GREM1: variants seen among roughly 807,000 people sequenced by gnomAD.
The protein encoded by GREM1 is gremlin-1.
In GREM1, 6 loss-of-function variants were observed where a neutral mutation model predicts 13.1. The observed-to-expected ratio is 0.46, with a 90% CI of 0.25 to 0.91. The LOEUF (loss-of-function observed/expected upper bound fraction) is 0.91, where lower values mean the gene tolerates loss of function less well. GREM1 is among the 40% of genes least tolerant of loss of function. The pLI, the probability that GREM1 is intolerant of heterozygous loss-of-function variation, is 0.18. For missense variants in GREM1, 185 were observed against 233.9 expected (o/e 0.79, Z 1.36); for synonymous variants, 98 against 93.7 (o/e 1.05, Z -0.27).
Position 32,730,827 on chromosome 15 carries a change from A to C in GREM1, c.137A>C (p.Gln46Pro), listed in dbSNP as rs762082199. ...AAGGCCCAGCACAATGACTCAGAGC[A>C]GACTCAGTCGCCCCAGCAGCCTGGC... ...PDKAQHNDSE[Q>P]TQSPQQPGSR... Residue 46 changes from glutamine (Q) to proline (P), a missense_variant, in exon 2 of 2, where the codon CAG (glutamine) becomes CCG (proline). Transcript: ENST00000651154. 1 of 1,613,902 alleles carries C rather than the reference A, an allele frequency of 6.2e-7. No individual in the cohort carries two copies. Among genetic ancestry groups the C allele is most frequent in the Non-Finnish European group, 8.5e-7 (1 of 1,179,910 alleles).
rs1230765714 is a variant in GREM1 at position 32,733,598 on chromosome 15, T to C, written c.*2353T>C. ...ATATCACTAGCCAAAGAGGGAAATA[T>C]CTGTTCTTCTTACTGTGCCTATATT... On this transcript the variant is annotated 3_prime_UTR_variant, in exon 2 of 2. Coordinates refer to ENST00000651154, the MANE Select transcript of GREM1 (RefSeq NM_013372.7). The C allele has an allele frequency of 1.7e-5, 4 of 230,846 alleles. No individual in the cohort carries two copies. The highest frequency in any genetic ancestry group is 6.9e-5 in the East Asian group (1 of 14,502). The allele number at this position is 230,846 out of a possible 1,614,324, so 14.3% of individuals were successfully genotyped here. A position where few individuals can be genotyped will look rare whatever the true frequency, so the allele number is the denominator to read the frequency against.
At chr15:32,726,063 G>C (rs1567110352) in intron 1 of GREM1, among the ~76,000 whole-genome samples, 2 of 152,114 alleles carry the variant, frequency 1.3e-5, no homozygotes, top group Non-Finnish European at 2.9e-5. Context: ...TTTGAAGTCA[G>C]GTAGCGTGAT....
chr15:32,726,710 G>GT (rs3054576), intron 1 of GREM1, among the ~76,000 whole-genome samples: 29 of 142,532 alleles, frequency 2.0e-4, no homozygotes, highest in African/African-American at 4.1e-4. Flanking sequence ...CCCAGGAGCT[G>GT]TTTTTTTTTT....
intron 1 of GREM1, among the ~76,000 whole-genome samples, chr15:32,727,454 G>T (rs1214264869): frequency 1.3e-5 from 2 of 152,130 alleles, no homozygotes; most frequent in Admixed American, 1.3e-4. Context: ...CCCCTTCAAT[G>T]CTAAGAACTC....
At chr15:32,729,437 T>A (rs2055574011) in intron 1 of GREM1, among the ~76,000 whole-genome samples, 1 of 152,206 alleles carries the variant, frequency 6.6e-6, no homozygotes, top group African/African-American at 2.4e-5. Context: ...CTGCTCCTTC[T>A]CCACCTTTCC....
chr15:32,730,833 A>T lies in GREM1; in HGVS notation c.143A>T (p.Gln48Leu), dbSNP rs770819924. ...KAQHNDSEQT[Q>L]SPQQPGSRNR... ...CAGCACAATGACTCAGAGCAGACTC[A>T]GTCGCCCCAGCAGCCTGGCTCCAGG... The change falls in exon 2 of 2, where the codon CAG becomes CTG. Residue 48 changes from glutamine (Q) to leucine (L), a missense_variant. Physicochemically the swap from Gln to Leu is moderately radical, Grantham distance 113 (BLOSUM62 -2). Transcript: ENST00000651154. 1.2e-6 allele frequency: 2 copies of T among 1,613,856 alleles called. No homozygotes were observed. The highest frequency in any genetic ancestry group is 1.7e-6 in the Non-Finnish European group (2 of 1,179,882).
At position 32,738,104 on chromosome 15, in the gene GREM1, A is replaced by ACC. The variant is rs2055723109; in HGVS notation, c.*6859_*6860insCC. 1 of 103,530 alleles carries ACC rather than the reference A, an allele frequency of 9.7e-6. No homozygotes were observed. The highest frequency in any genetic ancestry group is 4.1e-5 in the African/African-American group (1 of 24,228). The allele number at this position is 103,530 out of a possible 1,614,324, so 6.4% of individuals were successfully genotyped here. Reference sequence around the variant, plus strand: ...TAGGCAAAAAAAAAAAAAAAAAAAAAAAAAAAAAAAAAAAAAAAAAAAAAA... The same window carrying ACC: ...TAGGCAAAAAAAAAAAAAAAAAAAAACCAAAAAAAAAAAAAAAAAAAAAAAAA... On this transcript the variant is annotated 3_prime_UTR_variant, in exon 2 of 2. Coordinates refer to ENST00000651154, the MANE Select transcript of GREM1 (RefSeq NM_013372.7).
intron 1 of GREM1, among the ~76,000 whole-genome samples, chr15:32,721,599 C>T (rs889696803): frequency 6.6e-6 from 1 of 151,962 alleles, no homozygotes; most frequent in African/African-American, 2.4e-5. Flanking sequence ...ACTAAAAATA[C>T]AAAAATTAGC....
At position 32,718,093 on chromosome 15, in the gene GREM1, C is replaced by T; in HGVS notation, c.-70C>T. 3 of 1,232,104 alleles carry T rather than the reference C, an allele frequency of 2.4e-6. No individual in the cohort carries two copies. The highest frequency in any genetic ancestry group is 2.1e-6 in the Non-Finnish European group (2 of 973,064). 76.3% of individuals were successfully genotyped at this position (1,232,104 alleles called of 1,614,324 possible). ...CTGACCCCGCGCCGAGCCCCGGCGG[C>T]TCTGGCCGCGGCCGCACTCAGCGCC... On this transcript the variant is annotated 5_prime_UTR_variant, in exon 1 of 2. Coordinates refer to ENST00000651154, the MANE Select transcript of GREM1 (RefSeq NM_013372.7).
At position 32,730,708 on chromosome 15, in the gene GREM1, C is replaced by T; in HGVS notation, c.18C>T (p.Tyr6=). The change falls in exon 2 of 2, where the codon TAC becomes TAT. Residue 6 remains tyrosine, a synonymous_variant. Coordinates refer to ENST00000651154, the MANE Select transcript of GREM1 (RefSeq NM_013372.7). Reference sequence around the variant, plus strand: ...TCTTTAGTATGAGCCGCACAGCCTACACGGTGGGAGCCCTGCTTCTCCTCT... The same window carrying T: ...TCTTTAGTATGAGCCGCACAGCCTATACGGTGGGAGCCCTGCTTCTCCTCT... The part of the protein sequence containing the change: MSRTA[Y]TVGALLLLLG... 3 of 1,567,656 alleles carry T rather than the reference C, an allele frequency of 1.9e-6. No homozygotes were observed. Among genetic ancestry groups the T allele is most frequent in the Non-Finnish European group, 2.6e-6 (3 of 1,161,080 alleles).
chr15:32,723,011 T>A (rs892536703), intron 1 of GREM1, among the ~76,000 whole-genome samples: 1 of 152,168 alleles, frequency 6.6e-6, no homozygotes, highest in African/African-American at 2.4e-5. Context: ...TTTAGTGATA[T>A]GAGTAGGCCA....
In GREM1 at chr15:32,738,452, T is replaced by G. The variant is rs746111364; in HGVS notation, c.*7207T>G. On this transcript the variant is annotated 3_prime_UTR_variant, in exon 2 of 2. Transcript: ENST00000651154. Reference sequence around the variant, plus strand: ...AAACAATAAAACATTGTTAAAAAATTTAAAATCATCAAAATAGATGGAAAT... The same window carrying G: ...AAACAATAAAACATTGTTAAAAAATGTAAAATCATCAAAATAGATGGAAAT... 1.5e-4 allele frequency: 23 copies of G among 152,018 alleles called. No homozygotes were observed. The highest frequency in any genetic ancestry group is 3.1e-4 in the Non-Finnish European group (21 of 68,000). 9.4% of individuals were successfully genotyped at this position (152,018 alleles called of 1,614,324 possible). A position where few individuals can be genotyped will look rare whatever the true frequency, so the allele number is the denominator to read the frequency against.
chr15:32,737,857 G>C lies in GREM1; in HGVS notation c.*6612G>C, dbSNP rs899696465. ...GCAGGAGAATCGGTTGAACCCAGGA[G>C]GTGGAGGTTCTGGTGAGCCGAGATC... On this transcript the variant is annotated 3_prime_UTR_variant, in exon 2 of 2. Coordinates refer to ENST00000651154, the MANE Select transcript of GREM1 (RefSeq NM_013372.7). 6.8e-6 allele frequency: 1 copy of C among 146,422 alleles called. No homozygotes were observed. Among genetic ancestry groups the C allele is most frequent in the African/African-American group, 2.5e-5 (1 of 39,908 alleles). 9.1% of individuals were successfully genotyped at this position (146,422 alleles called of 1,614,324 possible).
Position 32,735,636 on chromosome 15 carries a change from C to T in GREM1, c.*4391C>T, listed in dbSNP as rs1199352966. ...TTGGCCACCTCTCTTTTTGTCATGG[C>T]CTTCTTGGACTTGGAGGGGGAGAAT... On this transcript the variant is annotated 3_prime_UTR_variant, in exon 2 of 2. Transcript: ENST00000651154. 6.6e-6 allele frequency: 1 copy of T among 152,066 alleles called. No homozygotes were observed. The highest frequency in any genetic ancestry group is 1.5e-5 in the Non-Finnish European group (1 of 68,010). 9.4% of individuals were successfully genotyped at this position (152,066 alleles called of 1,614,324 possible).
Position 32,731,301 on chromosome 15 carries a change from A to G in GREM1, c.*56A>G. On this transcript the variant is annotated 3_prime_UTR_variant, in exon 2 of 2. Transcript: ENST00000651154. ...GGAATGCAGCCCCAGGAAGTCCCAG[A>G]CCTAAAACAACCAGATTCTTACTTG... 1 of 1,355,034 alleles carries G rather than the reference A, an allele frequency of 7.4e-7. No individual in the cohort carries two copies. The highest frequency in any genetic ancestry group is 1.3e-5 in the South Asian group (1 of 75,872). The allele number at this position is 1,355,034 out of a possible 1,614,324, so 83.9% of individuals were successfully genotyped here.
chr15:32,729,459 C>T (rs914313048), intron 1 of GREM1, among the ~76,000 whole-genome samples: 1 of 152,228 alleles, frequency 6.6e-6, no homozygotes, highest in African/African-American at 2.4e-5. Context: ...TCTTCTTCCG[C>T]CTTTTCTGTC....
chr15:32,727,358 G>A (rs1022321619), intron 1 of GREM1, among the ~76,000 whole-genome samples: 2 of 152,106 alleles, frequency 1.3e-5, no homozygotes, highest in Non-Finnish European at 2.9e-5. Context: ...ATCAATAAAC[G>A]TAATCAATCA....
At chr15:32,720,030 A>C (rs1001000489) in intron 1 of GREM1, among the ~76,000 whole-genome samples, 3 of 152,150 alleles carry the variant, frequency 2.0e-5, no homozygotes, top group Non-Finnish European at 4.4e-5. Flanking sequence ...CAAATTGTTA[A>C]TATTAACTAT....
rs28840420 is a variant in GREM1 at position 32,737,785 on chromosome 15, C to T, written c.*6540C>T. 0.075 allele frequency: 11,367 copies of T among 150,904 alleles called. 504 individuals carry two copies. The highest frequency in any genetic ancestry group is 0.13 in the Middle Eastern group (38 of 294). 9.3% of individuals were successfully genotyped at this position (150,904 alleles called of 1,614,324 possible). A position where few individuals can be genotyped will look rare whatever the true frequency, so the allele number is the denominator to read the frequency against. On this transcript the variant is annotated 3_prime_UTR_variant, in exon 2 of 2. Coordinates refer to ENST00000651154, the MANE Select transcript of GREM1 (RefSeq NM_013372.7). ...CTACTAAAAATACAAAAAATTAGCC[C>T]GGCGTGGTGGCAAATGCCTGTAATC...
Sources: gnomAD v4.1 joint callset for allele counts (sites outside exome capture counted in the v4.1 genomes callset) on GRCh38, gnomAD v4.1.1 for gene constraint, MANE v1.5 for transcripts, NCBI Gene and HGNC (gene_info 2026-07-23, HGNC 2026-07-21) for gene names.